Variants in NSUN7 observed in about 807,000 individuals in gnomAD.
NSUN7 encodes NOP2/Sun RNA methyltransferase family member 7, also known as protein NSUN7.
NSUN7 carries 39 observed loss-of-function variants against 58.5 expected under a neutral mutation model. The observed-to-expected ratio is 0.67, with a 90% confidence interval of 0.52 to 0.87. The LOEUF is 0.87. Ranked by LOEUF, NSUN7 falls within the 40% of genes least tolerant of loss-of-function variation. The pLI is 0.00. For synonymous variants in NSUN7, 278 were observed against 303.7 expected (o/e 0.92, Z 0.88); for missense variants, 765 against 844.1 (o/e 0.91, Z 1.16).
chr4:40,794,793 G>T (rs566062030), intron 9 of NSUN7, among the ~76,000 whole-genome samples: 2 of 152,178 alleles, frequency 1.3e-5, no homozygotes, highest in African/African-American at 4.8e-5. Flanking sequence ...TTTCTTACTC[G>T]ATATAATTTT....
intron 4 of NSUN7, among the ~76,000 whole-genome samples, chr4:40,764,697 C>T (rs1395487542): frequency 4.6e-5 from 7 of 152,188 alleles, no homozygotes; most frequent in African/African-American, 1.7e-4. Context: ...GTCCCACCAA[C>T]AGTGTTAAAG....
At chr4:40,808,029 C>CA (rs397878278) in intron 11 of NSUN7, among the ~76,000 whole-genome samples, 12,468 of 59,488 alleles carry the variant, frequency 0.21, 1,442 homozygotes, top group East Asian at 0.35. Context: ...GACTCCATCT[C>CA]AAAAAAAAAA....
Position 40,774,684 on chromosome 4 carries a change from T to C in NSUN7, c.642-83T>C, listed in dbSNP as rs924495593. 3.4e-6 allele frequency: 3 copies of C among 884,410 alleles called. No individual in the cohort carries two copies. In the African/African-American group the frequency reaches 5.1e-5, roughly 15 times the overall value. 54.8% of individuals were successfully genotyped at this position (884,410 alleles called of 1,614,324 possible). A position where few individuals can be genotyped will look rare whatever the true frequency, so the allele number is the denominator to read the frequency against. On this transcript the variant is annotated intron_variant, in intron 5 of 11. Coordinates refer to ENST00000381782, the MANE Select transcript of NSUN7 (RefSeq NM_024677.6). ...TAATGTATGAAGTGATATTTTTCTT[T>C]GTTACAGGAAAAAGGTGTTAGTGTT... is the stretch of plus-strand genomic sequence containing the variant.
intron 10 of NSUN7, among the ~76,000 whole-genome samples, chr4:40,802,850 A>G (rs1351970814): frequency 6.7e-6 from 1 of 149,996 alleles, no homozygotes; most frequent in African/African-American, 2.5e-5. Context: ...CAGGTTAGTT[A>G]CATATGTATA....
rs1226718332 is a variant in NSUN7, at chr4:40,811,093, CATTG to C, written c.*2158_*2161del. On this transcript the variant is annotated 3_prime_UTR_variant, in exon 12 of 12. Transcript: ENST00000381782. ...TGAAGTCACAATTTGTTGCCACTTA[CATTG>C]ATTATCTCCTAACATGCATTTGGCA... is the stretch of plus-strand genomic sequence containing the variant. The C allele has an allele frequency of 1.3e-5, 2 of 151,810 alleles. No individual in the cohort carries two copies. Among genetic ancestry groups the C allele is most frequent in the African/African-American group, 4.9e-5 (2 of 41,052 alleles). The allele number at this position is 151,810 out of a possible 1,614,324, so 9.4% of individuals were successfully genotyped here.
At chr4:40,799,086 T>C (rs959230787) in intron 10 of NSUN7, among the ~76,000 whole-genome samples, 182 bp downstream of exon 10, 1 of 140,014 alleles carries the variant, frequency 7.1e-6, no homozygotes, top group Non-Finnish European at 1.5e-5. Context: ...TTTTTTTTTT[T>C]TTTTTTTTTT....
chr4:40,788,426 C>G (rs1241283630), intron 7 of NSUN7, among the ~76,000 whole-genome samples: 1 of 152,130 alleles, frequency 6.6e-6, no homozygotes, highest in East Asian at 1.9e-4. Flanking sequence ...TAAGAGGGAA[C>G]CAGCAAAGGA....
At chr4:40,795,023 T>G (rs1743256614) in intron 9 of NSUN7, among the ~76,000 whole-genome samples, 1 of 152,218 alleles carries the variant, frequency 6.6e-6, no homozygotes, top group African/African-American at 2.4e-5. Context: ...CCTTTCCACA[T>G]ATGCACACAG....
At chr4:40,772,867 A>G (rs1742079308) in intron 4 of NSUN7, among the ~76,000 whole-genome samples, 1 of 152,046 alleles carries the variant, frequency 6.6e-6, no homozygotes, top group South Asian at 2.1e-4. Context: ...CTTATTTCTC[A>G]CTCAAGGTTA....
At chr4:40,792,690 T>G (rs1743140322) in intron 8 of NSUN7, among the ~76,000 whole-genome samples, 1 of 151,804 alleles carries the variant, frequency 6.6e-6, no homozygotes, top group African/African-American at 2.4e-5. Context: ...GGGCGGAGCC[T>G]GCAGTGAGCC....
At chr4:40,762,568 G>A (rs546455138) in intron 4 of NSUN7, 2 of 152,320 alleles carry the variant, frequency 1.3e-5, no homozygotes, top group Admixed American at 6.5e-5. Flanking sequence ...ACAATTCTAT[G>A]CATTGGTTAC....
chr4:40,798,919 G>A lies in NSUN7; in HGVS notation c.1400+15G>A. On this transcript the variant is annotated intron_variant, in intron 10 of 11. Transcript: ENST00000381782. The stretch of plus-strand genomic sequence containing the variant: ...CAACCTTACAGGTAAGAAAAGGAAG[G>A]ATTCTTCTAAACAACTCAAACAAAT... The A allele has an allele frequency of 7.5e-7, 1 of 1,329,576 alleles. No homozygotes were observed. Among genetic ancestry groups the A allele is most frequent in the South Asian group, 1.2e-5 (1 of 80,438 alleles). 82.4% of individuals were successfully genotyped at this position (1,329,576 alleles called of 1,614,324 possible).
chr4:40,755,913 A>G (rs894610535), intron 2 of NSUN7, among the ~76,000 whole-genome samples: 4 of 152,196 alleles, frequency 2.6e-5, no homozygotes, highest in Non-Finnish European at 5.9e-5. Context: ...AAATAACAAC[A>G]TGAATGAAGC....
rs73146432 is a variant in NSUN7 at position 40,807,287 on chromosome 4, T to G, written c.1524+103T>G. Reference sequence around the variant, plus strand: ...CTTTGCACATTCTGTAAAGATGTGTTTGCATTTCACAAACACATTTCAGCT... The same window carrying G: ...CTTTGCACATTCTGTAAAGATGTGTGTGCATTTCACAAACACATTTCAGCT... On this transcript the variant is annotated intron_variant, in intron 11 of 11. Transcript: ENST00000381782. The G allele has an allele frequency of 2.1e-3, 2,211 of 1,076,050 alleles. 23 individuals carry two copies. In the African/African-American group the frequency reaches 0.021, roughly 10 times the overall value. The allele number at this position is 1,076,050 out of a possible 1,614,324, so 66.7% of individuals were successfully genotyped here.
rs758175598 is a variant in NSUN7 at position 40,794,523 on chromosome 4, T to G, written c.1282+47T>G. Reference sequence around the variant, plus strand: ...TCTTGTTAAAATAAGGTGTACATTTTAGAAATATTAGTCTTTCACGATCTA... The same window carrying G: ...TCTTGTTAAAATAAGGTGTACATTTGAGAAATATTAGTCTTTCACGATCTA... On this transcript the variant is annotated intron_variant, in intron 9 of 11. Transcript: ENST00000381782. 4 of 1,095,208 alleles carry G rather than the reference T, an allele frequency of 3.7e-6. No homozygotes were observed. In the African/African-American group the frequency reaches 4.7e-5, roughly 13 times the overall value. 67.8% of individuals were successfully genotyped at this position (1,095,208 alleles called of 1,614,324 possible). A position where few individuals can be genotyped will look rare whatever the true frequency, so the allele number is the denominator to read the frequency against.
chr4:40,785,079 C>T (rs1577570508), intron 7 of NSUN7, among the ~76,000 whole-genome samples: 3 of 152,244 alleles, frequency 2.0e-5, no homozygotes, highest in Admixed American at 6.5e-5. Context: ...CACTGTCACC[C>T]AGGCTGTAGT....
intron 2 of NSUN7, among the ~76,000 whole-genome samples, chr4:40,751,584 C>A (rs1025857761): frequency 2.0e-5 from 3 of 152,022 alleles, no homozygotes; most frequent in African/African-American, 7.3e-5. Flanking sequence ...AAAATTACAC[C>A]AACCCCAATT....
intron 8 of NSUN7, among the ~76,000 whole-genome samples, chr4:40,793,713 C>G (rs1743199814): frequency 6.6e-6 from 1 of 152,090 alleles, no homozygotes; most frequent in East Asian, 1.9e-4. Context: ...TAACCTTAGA[C>G]AAGTTGTTTA....
At chr4:40,760,831 C>T (rs1419261264) in intron 3 of NSUN7, among the ~76,000 whole-genome samples, 2 of 140,334 alleles carry the variant, frequency 1.4e-5, no homozygotes, top group Non-Finnish European at 3.0e-5. Context: ...CATTGCACTC[C>T]AGCCTAGACA....
Sources: gnomAD v4.1 joint callset for allele counts (sites outside exome capture counted in the v4.1 genomes callset) on GRCh38, gnomAD v4.1.1 for gene constraint, MANE v1.5 for transcripts, NCBI Gene and HGNC (gene_info 2026-07-23, HGNC 2026-07-21) for gene names.